Variants in IGF2R observed in about 807,000 individuals in gnomAD.
IGF2R encodes insulin like growth factor 2 receptor.
A neutral mutation model predicts 270.6 loss-of-function variants in IGF2R; 91 were observed. The ratio of observed to expected loss-of-function variants is 0.34; its 90% confidence interval spans 0.28 to 0.40. The LOEUF (loss-of-function observed/expected upper bound fraction) is 0.40, where lower values mean the gene tolerates loss of function less well. Ranked by LOEUF, IGF2R falls within the 10% of genes least tolerant of loss-of-function variation. The pLI, the probability that IGF2R is intolerant of heterozygous loss-of-function variation, is 1.00. For missense variants in IGF2R, 2,805 were observed against 3,188.3 expected (o/e 0.88, Z 2.90); for synonymous variants, 1,316 against 1,258.9 (o/e 1.05, Z -0.96).
chr6:160,080,141 G>A lies in IGF2R; in HGVS notation c.5699G>A (p.Gly1900Asp). The change falls in exon 39 of 48, where the codon GGC becomes GAC. Residue 1900 changes from glycine to aspartate, a missense_variant. Around this residue, in one of 2 missense-constraint regions of IGF2R, gnomAD observed 1,851 missense variants for 2,207.2 expected, o/e 0.84. Transcript: ENST00000356956. Reference protein sequence around the residue: ...GDRCPPETDDGVPCVFPFIFN... With the variant: ...GDRCPPETDDDVPCVFPFIFN... ...TTCTTCTTTCCAGAAACCGATGACGGCGTCCCCTGTGTCTTCCCCTTCATA... is the reference window on the plus strand; with the variant it reads ...TTCTTCTTTCCAGAAACCGATGACGACGTCCCCTGTGTCTTCCCCTTCATA... 1 of 1,614,124 alleles carries A rather than the reference G, an allele frequency of 6.2e-7. No homozygotes were observed. The highest frequency in any genetic ancestry group is 8.5e-7 in the Non-Finnish European group (1 of 1,180,006).
At chr6:160,030,125 G>C (rs1777662013) in intron 7 of IGF2R, among the ~76,000 whole-genome samples, 1 of 152,150 alleles carries the variant, frequency 6.6e-6, no homozygotes, top group South Asian at 2.1e-4. Context: ...TCACAGGCCA[G>C]TTTATTGCTG....
At chr6:160,090,715 A>G (rs1779201753) in intron 44 of IGF2R, among the ~76,000 whole-genome samples, 2 of 152,244 alleles carry the variant, frequency 1.3e-5, no homozygotes, top group South Asian at 4.1e-4. Flanking sequence ...TGTGGATGTA[A>G]TAACTCTTTA....
intron 2 of IGF2R, among the ~76,000 whole-genome samples, chr6:160,000,240 G>A (rs191491629): frequency 1.4e-4 from 22 of 152,334 alleles, no homozygotes; most frequent in African/African-American, 5.3e-4. Flanking sequence ...TCACAGTTCT[G>A]AAGGCTGTGT....
intron 2 of IGF2R, among the ~76,000 whole-genome samples, chr6:160,000,829 G>A (rs1784118147): frequency 6.9e-6 from 1 of 144,590 alleles, no homozygotes; most frequent in Non-Finnish European, 1.5e-5. Flanking sequence ...TCCGCCCCCT[G>A]GGTTTAAGCG....
intron 39 of IGF2R, among the ~76,000 whole-genome samples, chr6:160,083,243 C>T (rs1583298373): frequency 6.6e-6 from 1 of 152,296 alleles, no homozygotes; most frequent in South Asian, 2.1e-4. Context: ...TGCACATAGG[C>T]CAAATTTATG....
chr6:160,023,565 A>G (rs527768754), intron 4 of IGF2R, among the ~76,000 whole-genome samples: 49 of 152,222 alleles, frequency 3.2e-4, no homozygotes, highest in Non-Finnish European at 6.6e-4. Context: ...CAGCAGCCCC[A>G]TGAAGGAATA....
At chr6:160,071,338 G>A (rs1039661111) in intron 31 of IGF2R, among the ~76,000 whole-genome samples, 1 of 146,724 alleles carries the variant, frequency 6.8e-6, no homozygotes, top group African/African-American at 2.5e-5. Flanking sequence ...ACTGCAGCGT[G>A]GCTTATCAGG....
At chr6:160,077,110 T>G (rs542502962) in intron 36 of IGF2R, among the ~76,000 whole-genome samples, 1 of 152,184 alleles carries the variant, frequency 6.6e-6, no homozygotes, top group Non-Finnish European at 1.5e-5. Flanking sequence ...TCCTGCTGTT[T>G]GGGGCTACTC....
At chr6:160,024,379 A>G (rs1777506983) in intron 4 of IGF2R, among the ~76,000 whole-genome samples, 193 bp from the exon 5 acceptor site, 1 of 152,162 alleles carries the variant, frequency 6.6e-6, no homozygotes, top group South Asian at 2.1e-4. Context: ...CTCATGTAAG[A>G]GAGAAGAGAT....
rs1331190876 is a variant in IGF2R at position 160,063,511 on chromosome 6, C to G, written c.3767C>G (p.Thr1256Ser). The G allele has an allele frequency of 1.1e-5, 18 of 1,614,168 alleles. No homozygotes were observed. Among genetic ancestry groups the G allele is most frequent in the Non-Finnish European group, 1.4e-5 (17 of 1,180,018 alleles). Reference protein sequence around the residue: ...NDTIVSAGEYTYYFRVCGKLS... With the variant: ...NDTIVSAGEYSYYFRVCGKLS... ...ACCATCGTGAGCGCTGGCGAATACA[C>G]TTATTACTTCCGGGTCTGTGGGAAG... Residue 1256 changes from threonine (T) to serine (S), a missense_variant, in exon 27 of 48, where the codon ACT becomes AGT. Coordinates refer to ENST00000356956, the MANE Select transcript of IGF2R (RefSeq NM_000876.4).
intron 19 of IGF2R, among the ~76,000 whole-genome samples, chr6:160,052,881 T>C (rs1297810044): frequency 6.6e-6 from 1 of 152,236 alleles, no homozygotes; most frequent in East Asian, 1.9e-4. Flanking sequence ...GCTAGCCATA[T>C]GTAGAAAGCT....
chr6:160,100,161 A>G (rs1020740820), intron 45 of IGF2R, among the ~76,000 whole-genome samples: 2 of 152,236 alleles, frequency 1.3e-5, no homozygotes, highest in Non-Finnish European at 2.9e-5. Flanking sequence ...AAATATATCT[A>G]TAATCATAAG....
intron 39 of IGF2R, 30 bp from the exon 40 acceptor site, chr6:160,083,920 A>ATC (rs775498140): frequency 7.6e-6 from 11 of 1,448,490 alleles, no homozygotes; most frequent in Non-Finnish European, 1.1e-5. Context: ...TGACAGTCTG[A>ATC]TCTCTCTCTC....
Position 160,033,036 on chromosome 6 carries a change from A to C in IGF2R, c.1140A>C (p.Ala380=). The C allele has an allele frequency of 6.2e-7, 1 of 1,612,406 alleles. No individual in the cohort carries two copies. The highest frequency in any genetic ancestry group is 1.1e-5 in the South Asian group (1 of 91,038). The change falls in exon 9 of 48, where the codon GCA becomes GCC. Residue 380 remains alanine (A), a synonymous_variant. Coordinates refer to ENST00000356956, the MANE Select transcript of IGF2R (RefSeq NM_000876.4). ...EIQFCNKKQA[A]VCQVKKSDTS... is the part of the protein sequence containing the mutation. ...AGTTCTGTAATAAAAAACAAGCTGC[A>C]GTTTGCCAAGTGAAAAAGAGCGATA...
chr6:159,988,687 C>G (rs1783929704), intron 1 of IGF2R, among the ~76,000 whole-genome samples: 1 of 151,982 alleles, frequency 6.6e-6, no homozygotes, highest in Non-Finnish European at 1.5e-5. Flanking sequence ...TGAAGTTTGT[C>G]TCTGTTATCC....
intron 19 of IGF2R, among the ~76,000 whole-genome samples, chr6:160,055,948 A>C (rs1477726838): frequency 6.6e-6 from 1 of 152,146 alleles, no homozygotes; most frequent in African/African-American, 2.4e-5. Context: ...TAAACTACAC[A>C]TCAAGAAAGA....
At chr6:159,986,480 C>T (rs774669820) in intron 1 of IGF2R, among the ~76,000 whole-genome samples, 1 of 149,098 alleles carries the variant, frequency 6.7e-6, no homozygotes, top group Non-Finnish European at 1.5e-5. Context: ...GTTGGCCAGG[C>T]TGGTCTCGAA....
intron 36 of IGF2R, among the ~76,000 whole-genome samples, chr6:160,077,268 G>A (rs1778873078): frequency 6.6e-6 from 1 of 152,166 alleles, no homozygotes; most frequent in Admixed American, 6.5e-5. Context: ...TTTTATAGGG[G>A]TGTCTGGGTG....
At chr6:160,080,529 A>G (rs756191710) in intron 39 of IGF2R, among the ~76,000 whole-genome samples, 1 of 152,212 alleles carries the variant, frequency 6.6e-6, no homozygotes, top group Non-Finnish European at 1.5e-5. Context: ...CCCACTCACT[A>G]GCTGGAGGGC....
Sources: allele counts gnomAD v4.1 joint callset (sites outside exome capture counted in the v4.1 genomes callset), GRCh38; gene constraint gnomAD v4.1.1; regional missense constraint gnomAD v4.1.1; transcripts MANE v1.5; gene names NCBI Gene and HGNC (gene_info 2026-07-23, HGNC 2026-07-21).